The following DNA2 variants were observed in gnomAD, a reference collection of about 807,000 sequenced individuals.
DNA2 encodes DNA replication ATP-dependent helicase/nuclease DNA2.
Under a neutral mutation model 119.1 loss-of-function variants are expected in DNA2, and 101 were observed. That is an observed-to-expected ratio of 0.85 (90% confidence interval 0.72 to 1.00). DNA2 has a LOEUF of 1.00. Ranked by LOEUF, DNA2 falls within the 50% of genes least tolerant of loss-of-function variation. DNA2 has a pLI of 0.00. For synonymous variants in DNA2, 366 were observed against 424.4 expected (o/e 0.86, Z 1.69); for missense variants, 1,121 against 1,255.5 (o/e 0.89, Z 1.62).
chr10:68,421,447 G>A (rs1286866960), intron 17 of DNA2, among the ~76,000 whole-genome samples: 1 of 151,810 alleles, frequency 6.6e-6, no homozygotes, highest in East Asian at 1.9e-4. Context: ...AAAAATACTG[G>A]GCCTATAGAA....
chr10:68,428,445 A>G (rs538610502), intron 14 of DNA2, among the ~76,000 whole-genome samples: 1 of 152,306 alleles, frequency 6.6e-6, no homozygotes, highest in South Asian at 2.1e-4. Context: ...TGCAACTACC[A>G]ATCAATCCAG....
chr10:68,445,159 C>T, intron 7 of DNA2, 76 bp from the exon 8 acceptor site: 5 of 1,366,320 alleles, frequency 3.7e-6, no homozygotes, highest in Admixed American at 4.6e-5. Context: ...ATATGTAAAA[C>T]TTGCAGATTT....
chr10:68,443,229 G>A lies in DNA2; in HGVS notation c.1221-118C>T, dbSNP rs187732163. The A allele has an allele frequency of 8.0e-6, 7 of 870,978 alleles. No individual in the cohort carries two copies. In the East Asian group the frequency reaches 1.7e-4, roughly 21 times the overall value. The allele number at this position is 870,978 out of a possible 1,614,324, so 54.0% of individuals were successfully genotyped here. A position where few individuals can be genotyped will look rare whatever the true frequency, so the allele number is the denominator to read the frequency against. On this transcript the variant is annotated intron_variant, in intron 8 of 20. Coordinates refer to ENST00000358410, the MANE Select transcript of DNA2 (RefSeq NM_001080449.3). ...ATCATCATCATAACTCATAACCACA[G>A]CCCCTAATGTTCCTTAAAAGTCATT...
At position 68,414,518 on chromosome 10, in the gene DNA2, A is replaced by C. The variant is rs2051564053; in HGVS notation, c.*521T>G. The C allele has an allele frequency of 6.6e-6, 1 of 152,228 alleles. No individual in the cohort carries two copies. The highest frequency in any genetic ancestry group is 2.4e-5 in the African/African-American group (1 of 41,460). The allele number at this position is 152,228 out of a possible 1,614,324, so 9.4% of individuals were successfully genotyped here. ...CTGAAAACAAAAAAGGAGGATAGTA[A>C]GGGAGGATAGAAAATTAACAGGAAG... On this transcript the variant is annotated 3_prime_UTR_variant, in exon 21 of 21. Transcript: ENST00000358410.
rs1258401523 is a variant in DNA2, at chr10:68,450,219, T to C, written c.748A>G (p.Thr250Ala). The C allele has an allele frequency of 6.3e-7, 1 of 1,587,096 alleles. No homozygotes were observed. Among genetic ancestry groups the C allele is most frequent in the Non-Finnish European group, 8.6e-7 (1 of 1,165,512 alleles). ...LPSDNSKDNS[T>A]CNIEVVKPMD... ...GGTTTCACGACTTCAATGTTACATGTTGAATTATCCTTACTATTATCACTT... is the reference window on the plus strand; with the variant it reads ...GGTTTCACGACTTCAATGTTACATGCTGAATTATCCTTACTATTATCACTT... The change falls in exon 6 of 21, where the codon ACA (threonine) becomes GCA (alanine). Residue 250 changes from threonine to alanine, a missense_variant. Physicochemically the swap from Thr to Ala is moderately conservative, Grantham distance 58 (BLOSUM62 0). Transcript: ENST00000358410.
chr10:68,419,146 T>C lies in DNA2; in HGVS notation c.2855A>G (p.Asp952Gly). The C allele has an allele frequency of 1.2e-6, 2 of 1,613,440 alleles. No individual in the cohort carries two copies. The highest frequency in any genetic ancestry group is 8.5e-7 in the Non-Finnish European group (1 of 1,179,716). The change falls in exon 19 of 21, where the codon GAT becomes GGT. Residue 952 changes from aspartate to glycine, a missense_variant. Physicochemically the swap from Asp to Gly is moderately conservative, Grantham distance 94. Coordinates refer to ENST00000358410, the MANE Select transcript of DNA2 (RefSeq NM_001080449.3). ...PYRQQLKIINDLLARSIGMVE... is the reference protein window; with the variant it reads ...PYRQQLKIINGLLARSIGMVE... ...CATCCCAATAGAACGTGCCAATAAATCATTGATGATCTTTAATTGCTGCCT... is the reference window on the plus strand; with the variant it reads ...CATCCCAATAGAACGTGCCAATAAACCATTGATGATCTTTAATTGCTGCCT...
chr10:68,435,719 G>T (rs1304166025), intron 10 of DNA2, among the ~76,000 whole-genome samples: 2 of 151,926 alleles, frequency 1.3e-5, no homozygotes, highest in African/African-American at 4.8e-5. Context: ...CTCCCAAAAT[G>T]CTGGGATTAC....
intron 2 of DNA2, 135 bp from the exon 3 acceptor site, chr10:68,468,441 TAAAA>T (rs953044590): frequency 2.5e-5 from 11 of 442,988 alleles, no homozygotes; most frequent in Non-Finnish European, 3.9e-5. Flanking sequence ...TCTGGGTCTT[TAAAA>T]AAAAAAATCA....
intron 6 of DNA2, among the ~76,000 whole-genome samples, chr10:68,447,363 C>A (rs1242741731): frequency 6.6e-6 from 1 of 151,424 alleles, no homozygotes; most frequent in African/African-American, 2.4e-5. Flanking sequence ...ACTAAAAATA[C>A]AAAAATTAGC....
In DNA2 at chr10:68,432,498, G is replaced by A. The variant is rs1051825010; in HGVS notation, c.1659C>T (p.Val553=). Reference sequence around the variant, plus strand: ...ATCTGAACAAAGTTGATTCTGGAAGGACCGACAAGTTTCTAAAACAACAAA... The same window carrying A: ...ATCTGAACAAAGTTGATTCTGGAAGAACCGACAAGTTTCTAAAACAACAAA... ...VTCLLDRNLS[V]LPESTLFRLD... Residue 553 remains valine (V), a synonymous_variant, in exon 11 of 21, where the codon GTC becomes GTT. Coordinates refer to ENST00000358410, the MANE Select transcript of DNA2 (RefSeq NM_001080449.3). The A allele has an allele frequency of 6.4e-7, 1 of 1,553,204 alleles. No individual in the cohort carries two copies. The highest frequency in any genetic ancestry group is 8.7e-7 in the Non-Finnish European group (1 of 1,145,942).
rs942267512 is a variant in DNA2, at chr10:68,419,436, AGAAC to A, written c.2788-227_2788-224del. 7.5e-6 allele frequency: 4 copies of A among 531,184 alleles called. No individual in the cohort carries two copies. The African/African-American group carries it at 7.7e-5, about 10-fold the overall frequency. The allele number at this position is 531,184 out of a possible 1,614,324, so 32.9% of individuals were successfully genotyped here. On this transcript the variant is annotated intron_variant, in intron 18 of 20. Transcript: ENST00000358410. ...TGCTCCCTTAATTTTTAGTTTCATG[AGAAC>A]GTAAAGGATTATATGCTACTAAAAC...
At position 68,470,132 on chromosome 10, in the gene DNA2, T is replaced by C. The variant is rs758096534; in HGVS notation, c.106A>G (p.Arg36Gly). The C allele has an allele frequency of 6.2e-7, 1 of 1,601,762 alleles. No homozygotes were observed. The highest frequency in any genetic ancestry group is 1.1e-5 in the South Asian group (1 of 87,960). Residue 36 changes from arginine (R) to glycine (G), a missense_variant, in exon 2 of 21, where the codon AGA (arginine) becomes GGA (glycine). Physicochemically the swap from Arg to Gly is moderately radical, Grantham distance 125 (BLOSUM62 -2). Coordinates refer to ENST00000358410, the MANE Select transcript of DNA2 (RefSeq NM_001080449.3). ...FQKKVVASFP[R>G]TVLSTGMDNR... ...TCCATTCCTGTGCTCAGAACTGTTC[T>C]TGGAAAGGAAGCTACCACTTTCTTC...
chr10:68,438,019 A>G (rs1192440569), intron 9 of DNA2, among the ~76,000 whole-genome samples: 2 of 152,112 alleles, frequency 1.3e-5, no homozygotes, highest in Non-Finnish European at 2.9e-5. Context: ...GCCCTCTACT[A>G]GTTTTAAATG....
intron 5 of DNA2, 80 bp from the exon 6 acceptor site, chr10:68,450,327 C>A (rs1030751287): frequency 4.6e-6 from 5 of 1,086,206 alleles, no homozygotes; most frequent in Non-Finnish European, 5.3e-6. Flanking sequence ...CTGCCTATTA[C>A]ACACAGAGAA....
intron 14 of DNA2, among the ~76,000 whole-genome samples, chr10:68,427,206 T>TAA (rs879787334): frequency 1.4e-5 from 2 of 142,932 alleles, no homozygotes. Context: ...CCGTCTCTAC[T>TAA]AAAAAAAAAA....
At chr10:68,434,975 A>G (rs1209062107) in intron 10 of DNA2, among the ~76,000 whole-genome samples, 1 of 152,244 alleles carries the variant, frequency 6.6e-6, no homozygotes, top group Non-Finnish European at 1.5e-5. Flanking sequence ...GAAATGCTGG[A>G]AAACACAATC....
At chr10:68,456,905 T>C (rs561569351) in intron 5 of DNA2, among the ~76,000 whole-genome samples, 238 of 146,980 alleles carry the variant, frequency 1.6e-3, no homozygotes, top group Middle Eastern at 3.6e-3. Context: ...GAGGCCAAGG[T>C]GGGCGGATTA....
intron 17 of DNA2, among the ~76,000 whole-genome samples, chr10:68,420,314 G>A (rs535854875): frequency 2.6e-5 from 4 of 152,264 alleles, no homozygotes; most frequent in Admixed American, 6.5e-5. Context: ...TGAGGCAGGC[G>A]GATCACAAGG....
At chr10:68,451,249 T>C (rs1316377418) in intron 5 of DNA2, among the ~76,000 whole-genome samples, 1 of 152,152 alleles carries the variant, frequency 6.6e-6, no homozygotes, top group Non-Finnish European at 1.5e-5. Flanking sequence ...TTTTCTTTAC[T>C]TAATAACTAA....
Sources: gnomAD v4.1 joint callset for allele counts (sites outside exome capture counted in the v4.1 genomes callset) on GRCh38, gnomAD v4.1.1 for gene constraint, MANE v1.5 for transcripts, NCBI Gene and HGNC (gene_info 2026-07-23, HGNC 2026-07-21) for gene names.